Variants in TMCO5A observed in about 807,000 individuals in gnomAD.
The protein encoded by TMCO5A is transmembrane and coiled-coil domain-containing protein 5A.
In TMCO5A, 34 loss-of-function variants were observed where a neutral mutation model predicts 42.3. The ratio of observed to expected loss-of-function variants is 0.80; its 90% CI spans 0.61 to 1.07. The LOEUF is 1.07. TMCO5A is among the 50% of genes least tolerant of loss of function. The pLI is 0.00. For synonymous variants in TMCO5A, 131 were observed against 115.6 expected (o/e 1.13, Z -0.86); for missense variants, 357 against 327.9 (o/e 1.09, Z -0.69).
At chr15:37,941,093 C>T (rs958272004) in intron 6 of TMCO5A, 56 bp from the exon 7 acceptor site, 21 of 1,562,228 alleles carry the variant, frequency 1.3e-5, no homozygotes, top group Non-Finnish European at 1.9e-5. Context: ...TGACAGCATT[C>T]CATTCCTGCA....
downstream of TMCO5A, among the ~76,000 whole-genome samples, chr15:37,952,205 GAC>G (rs1890176293): frequency 6.6e-6 from 1 of 152,072 alleles, no homozygotes; most frequent in Non-Finnish European, 1.5e-5. Flanking sequence ...ACTAGGCCCA[GAC>G]ACAGTGGACT....
At chr15:37,990,648 A>G in the TMCO5A span, among the ~76,000 whole-genome samples, 1 of 151,872 alleles carries the variant, frequency 6.6e-6, no homozygotes, top group East Asian at 1.9e-4. Flanking sequence ...CGATAAACTG[A>G]TTTTGGTCAT....
chr15:37,959,592 T>A (rs142002566), intron 11 of TMCO5A, among the ~76,000 whole-genome samples: 2,436 of 152,158 alleles, frequency 0.016, 72 homozygotes, highest in African/African-American at 0.055. Context: ...AAACCCTATG[T>A]TCATTTCAAT....
At chr15:37,947,753 T>C (rs1373486942) in intron 11 of TMCO5A, 57 bp downstream of exon 11, 4 of 1,211,710 alleles carry the variant, frequency 3.3e-6, no homozygotes, top group Non-Finnish European at 2.4e-6. Flanking sequence ...TATTTAGCTA[T>C]TCGGGCAGAG....
Position 37,941,701 on chromosome 15 carries a change from C to T in TMCO5A, c.475C>T (p.Leu159Phe). The T allele has an allele frequency of 6.8e-6, 11 of 1,611,796 alleles. No individual in the cohort carries two copies. Among genetic ancestry groups the T allele is most frequent in the Non-Finnish European group, 9.3e-6 (11 of 1,178,330 alleles). ...VMKEYAFVTQLCEDQALYIKK... is the reference protein window; with the variant it reads ...VMKEYAFVTQFCEDQALYIKK... ...GAAGGAGTATGCATTTGTGACCCAG[C>T]TCTGTGAAGATCAAGCCCTCTACAT... Residue 159 changes from leucine to phenylalanine, a missense_variant, in exon 8 of 12, where the codon CTC (leucine) becomes TTC (phenylalanine). Transcript: ENST00000319669.
chr15:37,965,977 C>T (rs184911752), intron 11 of TMCO5A, among the ~76,000 whole-genome samples: 5 of 152,242 alleles, frequency 3.3e-5, no homozygotes, highest in Admixed American at 6.5e-5. Flanking sequence ...CAGCACTGTT[C>T]ACAATAGCCA....
the TMCO5A span, among the ~76,000 whole-genome samples, chr15:38,033,715 C>T: frequency 6.6e-6 from 1 of 152,122 alleles, no homozygotes; most frequent in Admixed American, 6.5e-5. Flanking sequence ...CAACCTCTGC[C>T]TCTTGGGTCC....
the TMCO5A span, among the ~76,000 whole-genome samples, chr15:38,005,369 G>A: frequency 8.1e-6 from 1 of 123,596 alleles, no homozygotes; most frequent in Non-Finnish European, 1.6e-5. Flanking sequence ...AACAGCCTGA[G>A]TACCACAGCA....
At chr15:37,982,824 G>C in the TMCO5A span, among the ~76,000 whole-genome samples, 4 of 147,002 alleles carry the variant, frequency 2.7e-5, no homozygotes, top group Non-Finnish European at 5.9e-5. Context: ...ATATATATAT[G>C]TGTGTGTATA....
the TMCO5A span, among the ~76,000 whole-genome samples, chr15:37,976,108 G>T: frequency 6.6e-6 from 1 of 151,924 alleles, no homozygotes; most frequent in East Asian, 1.9e-4. Flanking sequence ...GCCAGGCATG[G>T]TGGTACATGC....
the TMCO5A span, among the ~76,000 whole-genome samples, chr15:38,017,492 C>T: frequency 6.6e-6 from 1 of 152,058 alleles, no homozygotes; most frequent in African/African-American, 2.4e-5. Flanking sequence ...ATGGCTGTGC[C>T]TTGTTCAAAT....
At chr15:38,032,112 C>G in the TMCO5A span, among the ~76,000 whole-genome samples, 1 of 152,110 alleles carries the variant, frequency 6.6e-6, no homozygotes, top group Non-Finnish European at 1.5e-5. Context: ...TGCACCACCA[C>G]GCCTGGCTAA....
rs187316213 is a variant in TMCO5A at position 37,942,147 on chromosome 15, A to T, written c.505-44A>T. ...CTTATTATGCTTAGAAAAATTGTAAACCTTCTAAGTAGTAACTGTGGCTTT... is the reference window on the plus strand; with the variant it reads ...CTTATTATGCTTAGAAAAATTGTAATCCTTCTAAGTAGTAACTGTGGCTTT... On this transcript the variant is annotated intron_variant, in intron 8 of 11. Coordinates refer to ENST00000319669, the MANE Select transcript of TMCO5A (RefSeq NM_152453.4). 45 of 1,573,224 alleles carry T rather than the reference A, an allele frequency of 2.9e-5. No homozygotes were observed. The East Asian group carries it at 9.2e-4, about 32-fold the overall frequency.
the TMCO5A span, among the ~76,000 whole-genome samples, chr15:37,996,928 G>T: frequency 6.6e-6 from 1 of 152,082 alleles, no homozygotes; most frequent in Non-Finnish European, 1.5e-5. Context: ...CAGCTGCGAA[G>T]AATATTATTT....
chr15:37,950,863 C>A (rs1890130729), intron 11 of TMCO5A, among the ~76,000 whole-genome samples, 173 bp from the exon 12 acceptor site: 1 of 151,834 alleles, frequency 6.6e-6, no homozygotes, highest in Non-Finnish European at 1.5e-5. Flanking sequence ...AGAGAATAAC[C>A]AATAGGACAG....
intron 11 of TMCO5A, among the ~76,000 whole-genome samples, chr15:37,959,193 C>A (rs1890363587): frequency 6.6e-6 from 1 of 151,970 alleles, no homozygotes; most frequent in Non-Finnish European, 1.5e-5. Context: ...TGCAGCAAAC[C>A]ACCATGGCAC....
chr15:37,981,053 C>G, the TMCO5A span, among the ~76,000 whole-genome samples: 1 of 152,012 alleles, frequency 6.6e-6, no homozygotes, highest in African/African-American at 2.4e-5. Context: ...ATCTCCACTG[C>G]CAGCTTAAAA....
the TMCO5A span, chr15:37,994,511 T>C: frequency 6.6e-6 from 1 of 152,230 alleles, no homozygotes; most frequent in Non-Finnish European, 1.5e-5. Flanking sequence ...ATACTAAATA[T>C]ACGACTTGAT....
chr15:38,031,030 C>G, the TMCO5A span, among the ~76,000 whole-genome samples: 2 of 152,158 alleles, frequency 1.3e-5, no homozygotes, highest in Non-Finnish European at 2.9e-5. Context: ...TCTGCATCCT[C>G]ACATCCAATA....
Sources: gnomAD v4.1 joint callset for allele counts (sites outside exome capture counted in the v4.1 genomes callset) on GRCh38, gnomAD v4.1.1 for gene constraint, MANE v1.5 for transcripts, NCBI Gene and HGNC (gene_info 2026-07-23, HGNC 2026-07-21) for gene names.